The following OR14A16 variants were observed in gnomAD, a reference collection of about 807,000 sequenced individuals.
The protein encoded by OR14A16 is olfactory receptor 14A16.
For synonymous variants in OR14A16, 135 were observed against 137.6 expected, an observed-to-expected ratio of 0.98 and a Z score of 0.13; for missense variants, 341 against 366.5, an observed-to-expected ratio of 0.93 and a Z score of 0.57.
At chr1:247,823,925 G>A (rs1176662184) in intron 1 of OR14A16, 28 bp downstream of exon 1, 2 of 152,148 alleles carry the variant, frequency 1.3e-5, no homozygotes, top group Non-Finnish European at 2.9e-5. Flanking sequence ...CAGATAAGCT[G>A]TAAAATTTAA....
At chr1:247,818,946 T>A (rs1338196872) in intron 2 of OR14A16, 117 bp downstream of exon 2, 1 of 152,040 alleles carries the variant, frequency 6.6e-6, no homozygotes, top group Non-Finnish European at 1.5e-5. Flanking sequence ...TATATCTGAA[T>A]CAAAACATCA....
intron 2 of OR14A16, among the ~76,000 whole-genome samples, chr1:247,816,465 G>C (rs944621856): frequency 6.6e-6 from 1 of 152,156 alleles, no homozygotes; most frequent in Non-Finnish European, 1.5e-5. Context: ...GGTGGCTCAC[G>C]CCTGTAATCC....
At chr1:247,822,694 C>G (rs1662763938) in intron 1 of OR14A16, among the ~76,000 whole-genome samples, 2 of 152,152 alleles carry the variant, frequency 1.3e-5, no homozygotes, top group Admixed American at 1.3e-4. Flanking sequence ...TCTGAAAACT[C>G]TAATATAGGT....
chr1:247,821,042 T>A (rs565831074), intron 1 of OR14A16, among the ~76,000 whole-genome samples: 23 of 152,350 alleles, frequency 1.5e-4, no homozygotes, highest in African/African-American at 5.5e-4. Context: ...TTTATAAGCA[T>A]GTTAATTTCA....
intron 1 of OR14A16, among the ~76,000 whole-genome samples, chr1:247,820,902 G>A (rs1044588915): frequency 3.3e-5 from 5 of 151,762 alleles, no homozygotes; most frequent in African/African-American, 4.8e-5. Context: ...GTAGGCATTG[G>A]TGCTGTAAAT....
chr1:247,823,352 C>G (rs535960145), intron 1 of OR14A16, among the ~76,000 whole-genome samples: 6 of 152,248 alleles, frequency 3.9e-5, no homozygotes, highest in African/African-American at 1.4e-4. Flanking sequence ...AAAACATTAT[C>G]TGGTTATGGT....
intron 1 of OR14A16, among the ~76,000 whole-genome samples, chr1:247,822,889 A>G (rs916933409): frequency 3.9e-5 from 6 of 152,194 alleles, no homozygotes; most frequent in East Asian, 1.9e-4. Flanking sequence ...CTCAAACACA[A>G]ATTTTTTCCA....
intron 2 of OR14A16, among the ~76,000 whole-genome samples, chr1:247,818,293 G>A (rs750154433): frequency 1.8e-4 from 27 of 152,174 alleles, no homozygotes; most frequent in Non-Finnish European, 3.7e-4. Context: ...TGGAGGGAAT[G>A]TAAATTAGAA....
At chr1:247,817,659 T>A (rs529056256) in intron 2 of OR14A16, among the ~76,000 whole-genome samples, 1 of 152,094 alleles carries the variant, frequency 6.6e-6, no homozygotes, top group Non-Finnish European at 1.5e-5. Context: ...CATAATCGTT[T>A]AGAAGCTGGA....
At chr1:247,816,107 C>G (rs1223441299) in intron 2 of OR14A16, among the ~76,000 whole-genome samples, 1 of 152,138 alleles carries the variant, frequency 6.6e-6, no homozygotes, top group Non-Finnish European at 1.5e-5. Flanking sequence ...AACCAACAAA[C>G]CAATGGCTAC....
intron 1 of OR14A16, among the ~76,000 whole-genome samples, chr1:247,822,319 GGGGA>G (rs79372262): frequency 0.15 from 19,252 of 130,286 alleles, 2,499 homozygotes; most frequent in Non-Finnish European, 0.2. Flanking sequence ...TGTGGCGGGG[GGGGA>G]GGGTGGGGAT....
intron 2 of OR14A16, among the ~76,000 whole-genome samples, chr1:247,816,542 C>T (rs2103282278): frequency 6.6e-6 from 1 of 152,250 alleles, no homozygotes; most frequent in East Asian, 1.9e-4. Flanking sequence ...GCCAGGACAA[C>T]ATGGCGAGAC....
chr1:247,821,819 T>C (rs1662745556), intron 1 of OR14A16, among the ~76,000 whole-genome samples: 1 of 146,254 alleles, frequency 6.8e-6, no homozygotes, highest in South Asian at 2.2e-4. Context: ...GATTCTTTGT[T>C]CCTTTCTTCA....
chr1:247,822,327 T>G lies in OR14A16; in HGVS notation c.-131+1626A>C, dbSNP rs952385736. On this transcript the variant is annotated intron_variant, in intron 1 of 2. Transcript: ENST00000641093. ...GTGTGTGTGTGGCGGGGGGGGAGGG[T>G]GGGGATGCTGGCGAAAACTAACAGT... Among the ~76,000 whole-genome samples the G allele has an allele frequency of 9.5e-3, 450 of 47,124 alleles. 1 individual carries two copies. The highest frequency in any genetic ancestry group is 0.015 in the African/African-American group (230 of 14,902). 30.9% of individuals were successfully genotyped at this position (47,124 alleles called of 152,430 possible).
Position 247,815,561 on chromosome 1 carries a change from C to CG in OR14A16, c.168dup (p.Val57ArgfsTer63). 1 of 1,613,976 alleles carries CG rather than the reference C, an allele frequency of 6.2e-7. No homozygotes were observed. The highest frequency in any genetic ancestry group is 8.5e-7 in the Non-Finnish European group (1 of 1,179,930). On this transcript the variant is annotated frameshift_variant, in exon 3 of 3. Coordinates refer to ENST00000641093, the MANE Select transcript of OR14A16 (RefSeq NM_001001966.2). LOFTEE classifies it low-confidence loss of function (END_TRUNC). ...GATAGATTCTTCAAGAAGAAATACA[C>CG]GGGGGTGTGGAGATGATGGTCCAAA...
chr1:247,820,206 G>C (rs1241550460), intron 1 of OR14A16, among the ~76,000 whole-genome samples: 1 of 152,108 alleles, frequency 6.6e-6, no homozygotes, highest in Non-Finnish European at 1.5e-5. Flanking sequence ...ATCCTTGTCA[G>C]GATTCAGTAT....
chr1:247,822,114 T>C (rs1662750508), intron 1 of OR14A16, among the ~76,000 whole-genome samples: 1 of 152,158 alleles, frequency 6.6e-6, no homozygotes, highest in African/African-American at 2.4e-5. Context: ...TCTTAATAGT[T>C]TTGTATTTTC....
In OR14A16 at chr1:247,814,703, TA is replaced by T; in HGVS notation, c.*96del. On this transcript the variant is annotated 3_prime_UTR_variant, in exon 3 of 3. Transcript: ENST00000641093. ...AAATAATTGCTTTCATTTGTCTTTT[TA>T]AATTTTTACTTTTAAGAATTAGAGA... is the stretch of plus-strand genomic sequence containing the variant. 1.6e-6 allele frequency: 1 copy of T among 610,120 alleles called. No homozygotes were observed. 37.8% of individuals were successfully genotyped at this position (610,120 alleles called of 1,614,324 possible). A position where few individuals can be genotyped will look rare whatever the true frequency, so the allele number is the denominator to read the frequency against.
intron 1 of OR14A16, among the ~76,000 whole-genome samples, chr1:247,819,563 CTATT>C (rs1662691342): frequency 1.3e-5 from 2 of 152,006 alleles, no homozygotes; most frequent in African/African-American, 2.4e-5. Context: ...GTCTTATTAT[CTATT>C]TATTTTATTG....
Sources: allele counts gnomAD v4.1 joint callset (sites outside exome capture counted in the v4.1 genomes callset), GRCh38; gene constraint gnomAD v4.1.1; transcripts MANE v1.5; gene names NCBI Gene and HGNC (gene_info 2026-07-23, HGNC 2026-07-21).